The following CSGALNACT1 variants were observed in gnomAD, a reference collection of about 807,000 sequenced individuals.
CSGALNACT1 encodes beta4GalNAcT-1.
CSGALNACT1 carries 52 observed loss-of-function variants against 51.0 expected under a neutral mutation model. That is an observed-to-expected ratio of 1.02 (90% CI 0.82 to 1.29). The LOEUF is 1.29. Ranked by LOEUF, CSGALNACT1 falls within the 50% of genes most tolerant of loss-of-function variation. CSGALNACT1 has a pLI of 0.00. For synonymous variants in CSGALNACT1, 341 were observed against 254.4 expected (o/e 1.34, Z -3.24); for missense variants, 935 against 679.2 (o/e 1.38, Z -4.19).
At chr8:19,685,021 A>G (rs1184505365), upstream of CSGALNACT1, among the ~76,000 whole-genome samples, 1 of 152,192 alleles carries the variant, frequency 6.6e-6, no homozygotes, top group Non-Finnish European at 1.5e-5. Context: ...AGTTCACATT[A>G]AATAACTATA....
upstream of CSGALNACT1, among the ~76,000 whole-genome samples, chr8:19,683,712 A>C (rs2060797717): frequency 6.6e-6 from 1 of 152,222 alleles, no homozygotes; most frequent in Admixed American, 6.5e-5. Flanking sequence ...ATGAATATTA[A>C]TCTAATTAAA....
intron 3 of CSGALNACT1, among the ~76,000 whole-genome samples, chr8:19,539,276 A>G (rs1423249906): frequency 1.3e-5 from 2 of 152,186 alleles, no homozygotes; most frequent in Non-Finnish European, 2.9e-5. Flanking sequence ...TGTATTAGAT[A>G]TCCAAATTTG....
chr8:19,713,287 T>C (rs2062616986), intron 1 of CSGALNACT1, among the ~76,000 whole-genome samples: 1 of 151,672 alleles, frequency 6.6e-6, no homozygotes, highest in Non-Finnish European at 1.5e-5. Flanking sequence ...CATGACAGAG[T>C]GCTGAGAGGA....
rs573422158 is a variant in CSGALNACT1 at position 19,454,015 on chromosome 8, T to G, written c.851+4411A>C. On this transcript the variant is annotated intron_variant, in intron 5 of 9. Transcript: ENST00000454498. Reference sequence around the variant, plus strand: ...GTGATTAAAGACTAATGAAGGAATTTTTCAGGCATTCTGGCAAAAGCCGTT... The same window carrying G: ...GTGATTAAAGACTAATGAAGGAATTGTTCAGGCATTCTGGCAAAAGCCGTT... Among the ~76,000 whole-genome samples, 6 of 152,282 alleles carry G rather than the reference T, an allele frequency of 3.9e-5. No homozygotes were observed. In the South Asian group the frequency reaches 1.2e-3, roughly 32 times the overall value.
intron 3 of CSGALNACT1, among the ~76,000 whole-genome samples, chr8:19,589,070 GCTGA>G (rs2047259339): frequency 6.6e-6 from 1 of 152,126 alleles, no homozygotes; most frequent in South Asian, 2.1e-4. Context: ...GCAAAGATCG[GCTGA>G]CTATGTTTGT....
chr8:19,694,534 C>G (rs780008554), intron 1 of CSGALNACT1, among the ~76,000 whole-genome samples: 2 of 152,236 alleles, frequency 1.3e-5, no homozygotes, highest in African/African-American at 4.8e-5. Context: ...GGAGCCAGGA[C>G]TGGCAAACGC....
intron 3 of CSGALNACT1, among the ~76,000 whole-genome samples, chr8:19,558,865 A>G (rs989504268): frequency 3.3e-5 from 5 of 152,182 alleles, no homozygotes; most frequent in Admixed American, 1.3e-4. Context: ...GATATTTTGC[A>G]AAGAGGTATT....
At chr8:19,508,224 C>T (rs1239000839) in intron 3 of CSGALNACT1, among the ~76,000 whole-genome samples, 1 of 152,178 alleles carries the variant, frequency 6.6e-6, no homozygotes, top group East Asian at 1.9e-4. Flanking sequence ...TGTTAACAAC[C>T]TCCTTTACTT....
At chr8:19,731,700 AC>A (rs1445809237) in intron 1 of CSGALNACT1, among the ~76,000 whole-genome samples, 1 of 152,182 alleles carries the variant, frequency 6.6e-6, no homozygotes, top group Non-Finnish European at 1.5e-5. Flanking sequence ...ACTTAATGCC[AC>A]CAAACTGTAC....
At chr8:19,739,489 C>T (rs1174284173) in intron 1 of CSGALNACT1, among the ~76,000 whole-genome samples, 2 of 152,294 alleles carry the variant, frequency 1.3e-5, no homozygotes, top group Admixed American at 1.3e-4. Flanking sequence ...GGCTGCCTCA[C>T]TATATCCCCT....
chr8:19,640,109 G>C (rs138559266), intron 1 of CSGALNACT1, among the ~76,000 whole-genome samples: 49 of 151,820 alleles, frequency 3.2e-4, no homozygotes, highest in Middle Eastern at 3.4e-3. Context: ...GCACCTGGGG[G>C]GAAATAACAA....
At chr8:19,698,004 C>T (rs146347853) in intron 1 of CSGALNACT1, among the ~76,000 whole-genome samples, 5 of 152,230 alleles carry the variant, frequency 3.3e-5, no homozygotes, top group South Asian at 2.1e-4. Context: ...AGTGCATCCT[C>T]GGATTTGTCA....
chr8:19,433,145 G>A (rs768609145), intron 6 of CSGALNACT1, among the ~76,000 whole-genome samples: 15 of 152,090 alleles, frequency 9.9e-5, no homozygotes, highest in African/African-American at 1.9e-4. Context: ...TTTATTGTGC[G>A]ACCACTTAAT....
intron 5 of CSGALNACT1, among the ~76,000 whole-genome samples, 169 bp from the exon 5 acceptor site, chr8:19,440,100 C>A (rs1466306289): frequency 1.3e-5 from 2 of 152,182 alleles, no homozygotes; most frequent in Non-Finnish European, 1.5e-5. Context: ...TTCCAACTAT[C>A]TGTATTTGTA....
intron 1 of CSGALNACT1, among the ~76,000 whole-genome samples, chr8:19,667,690 G>C (rs1388613579): frequency 6.6e-6 from 1 of 152,164 alleles, no homozygotes; most frequent in African/African-American, 2.4e-5. Context: ...GATCAGGAGA[G>C]CTTTCAAAGA....
chr8:19,562,408 A>G (rs932055197), intron 3 of CSGALNACT1, among the ~76,000 whole-genome samples: 2 of 152,170 alleles, frequency 1.3e-5, no homozygotes, highest in South Asian at 2.1e-4. Flanking sequence ...CAACTATTTC[A>G]TAACAAAAAT....
At chr8:19,503,264 G>A (rs1306692636) in intron 4 of CSGALNACT1, among the ~76,000 whole-genome samples, 1 of 152,180 alleles carries the variant, frequency 6.6e-6, no homozygotes, top group Non-Finnish European at 1.5e-5. Context: ...TTAAAAAGCT[G>A]TGTGCTGCCC....
At chr8:19,522,323 C>T (rs914251760) in intron 3 of CSGALNACT1, among the ~76,000 whole-genome samples, 8 of 152,192 alleles carry the variant, frequency 5.3e-5, no homozygotes, top group Middle Eastern at 3.4e-3. Context: ...ACTCAGAACT[C>T]GAGACTCTTC....
In CSGALNACT1 at chr8:19,492,042, T is replaced by C. The variant is rs111543092; in HGVS notation, c.634+13159A>G. Among the ~76,000 whole-genome samples the C allele has an allele frequency of 5.6e-3, 859 of 152,352 alleles. 9 individuals are homozygous for C. Among genetic ancestry groups the C allele is most frequent in the African/African-American group, 0.019 (810 of 41,576 alleles). ...ACCATAAACATATTCATAACTTAAG[T>C]AGGTTCAGCCATGAACTTGAAAATG... On this transcript the variant is annotated intron_variant, in intron 4 of 9. Coordinates refer to ENST00000454498, the Ensembl canonical transcript of CSGALNACT1.
Sources: gnomAD v4.1 joint callset for allele counts (sites outside exome capture counted in the v4.1 genomes callset) on GRCh38, gnomAD v4.1.1 for gene constraint, MANE v1.5 for transcripts, NCBI Gene and HGNC (gene_info 2026-07-23, HGNC 2026-07-21) for gene names.